SDK1: variants seen among roughly 807,000 people sequenced by gnomAD.
SDK1 encodes protein sidekick-1.
Under a neutral mutation model 245.5 loss-of-function variants are expected in SDK1, and 157 were observed. That is an observed-to-expected ratio of 0.64 (90% CI 0.56 to 0.73). The LOEUF (loss-of-function observed/expected upper bound fraction) is 0.73. Ranked by LOEUF, SDK1 falls within the 30% of genes least tolerant of loss-of-function variation. The probability of loss-of-function intolerance (pLI) is 0.00; values close to 1 mark genes in which losing one functional copy is unlikely to be tolerated. For synonymous variants in SDK1, 1,647 were observed against 1,278.5 expected (o/e 1.29, Z -6.15); for missense variants, 3,583 against 3,002.3 (o/e 1.19, Z -4.52).
intron 17 of SDK1, among the ~76,000 whole-genome samples, chr7:4,047,930 A>G (rs1789137932): frequency 6.6e-6 from 1 of 152,122 alleles, no homozygotes; most frequent in East Asian, 1.9e-4. Flanking sequence ...CACACATTTT[A>G]CAGGATGGCA....
chr7:3,478,535 A>T (rs1224802113), intron 1 of SDK1, among the ~76,000 whole-genome samples: 1 of 152,058 alleles, frequency 6.6e-6, no homozygotes, highest in African/African-American at 2.4e-5. Context: ...TTAAAGTTGC[A>T]TATTCAGTTA....
intron 1 of SDK1, among the ~76,000 whole-genome samples, chr7:3,430,003 A>G (rs1003107205): frequency 1.3e-5 from 2 of 152,248 alleles, no homozygotes; most frequent in Admixed American, 6.5e-5. Flanking sequence ...TTTAAAATAC[A>G]TGCAGTCACT....
intron 1 of SDK1, among the ~76,000 whole-genome samples, chr7:3,596,641 G>C (rs28592009): frequency 5.9e-5 from 9 of 151,976 alleles, no homozygotes; most frequent in Non-Finnish European, 1.2e-4. Flanking sequence ...TCGTTTTTCT[G>C]ATTTCTTTTC....
At chr7:4,148,198 G>C (rs1454989861) in intron 29 of SDK1, among the ~76,000 whole-genome samples, 1 of 152,226 alleles carries the variant, frequency 6.6e-6, no homozygotes, top group African/African-American at 2.4e-5. Flanking sequence ...TGCTTACGGA[G>C]GCAAGTGCTG....
intron 5 of SDK1, among the ~76,000 whole-genome samples, chr7:3,831,878 C>T (rs1283406096): frequency 6.6e-6 from 1 of 151,956 alleles, no homozygotes; most frequent in Non-Finnish European, 1.5e-5. Flanking sequence ...GAGACTCTGT[C>T]TTTAACAACA....
chr7:4,172,913 A>G (rs1368026165), intron 32 of SDK1, among the ~76,000 whole-genome samples: 1 of 152,204 alleles, frequency 6.6e-6, no homozygotes, highest in Non-Finnish European at 1.5e-5. Flanking sequence ...CCCCTAATCC[A>G]GTATGACCTT....
chr7:4,201,543 CCAAA>C (rs536768035), intron 35 of SDK1, among the ~76,000 whole-genome samples: 23 of 152,134 alleles, frequency 1.5e-4, no homozygotes, highest in Non-Finnish European at 2.6e-4. Context: ...CTTGCTTTAC[CCAAA>C]CAGTCAGTCA....
At chr7:3,757,328 G>A (rs551750535) in intron 4 of SDK1, among the ~76,000 whole-genome samples, 2 of 152,160 alleles carry the variant, frequency 1.3e-5, no homozygotes, top group East Asian at 3.9e-4. Flanking sequence ...TCAACTCCTG[G>A]TCTCAAGCGA....
chr7:3,903,154 T>G (rs532422206), intron 5 of SDK1, among the ~76,000 whole-genome samples: 112 of 151,526 alleles, frequency 7.4e-4, no homozygotes, highest in Non-Finnish European at 1.4e-3. Flanking sequence ...GTTTTGTTTT[T>G]TTTTTTTTGA....
At chr7:3,447,699 C>CTTTTTTT (rs56137514) in intron 1 of SDK1, among the ~76,000 whole-genome samples, 1 of 89,554 alleles carries the variant, frequency 1.1e-5, no homozygotes, top group Non-Finnish European at 2.1e-5. Flanking sequence ...GCTTATATAT[C>CTTTTTTT]TTTTTTTTTT....
At chr7:3,896,735 G>T (rs540091278) in intron 5 of SDK1, among the ~76,000 whole-genome samples, 1 of 152,186 alleles carries the variant, frequency 6.6e-6, no homozygotes. Flanking sequence ...TTTTCAAGCT[G>T]TTTAAGGTGG....
At chr7:3,338,421 G>C in intron 1 of SDK1, 2 of 527,336 alleles carry the variant, frequency 3.8e-6, no homozygotes, top group Admixed American at 4.4e-5. Context: ...GCACTCTTAA[G>C]AGCCAAGATA....
In SDK1 at chr7:4,267,730, A is replaced by C. The variant is rs1407755802; in HGVS notation, c.*2346A>C. 7 of 985,384 alleles carry C rather than the reference A, an allele frequency of 7.1e-6. No homozygotes were observed. Among genetic ancestry groups the C allele is most frequent in the Non-Finnish European group, 7.2e-6 (6 of 829,974 alleles). The allele number at this position is 985,384 out of a possible 1,614,324, so 61.0% of individuals were successfully genotyped here. A position where few individuals can be genotyped will look rare whatever the true frequency, so the allele number is the denominator to read the frequency against. The stretch of plus-strand genomic sequence containing the variant: ...GCTCTCGGGTTTTCGATACAACATC[A>C]TGACACTTCTGTTTCAAGCTCATGT... On this transcript the variant is annotated 3_prime_UTR_variant, in exon 45 of 45. Coordinates refer to ENST00000404826, the MANE Select transcript of SDK1 (RefSeq NM_152744.4).
intron 2 of SDK1, among the ~76,000 whole-genome samples, chr7:3,622,421 C>T (rs546949525): frequency 6.6e-6 from 1 of 152,284 alleles, no homozygotes; most frequent in Non-Finnish European, 1.5e-5. Flanking sequence ...GCAGAGGTTG[C>T]AGTGAGCCAG....
In SDK1 at chr7:4,233,311, A is replaced by G. The variant is rs1348037022; in HGVS notation, c.5884A>G (p.Thr1962Ala). 1.9e-6 allele frequency: 3 copies of G among 1,613,894 alleles called. No individual in the cohort carries two copies. The African/African-American group carries it at 4.0e-5, about 22-fold the overall frequency. Residue 1962 changes from threonine to alanine, a missense_variant, in exon 41 of 45, where the codon ACC becomes GCC. Transcript: ENST00000404826. ...KDIPRSATSYTLSLDKLRQGV... is the reference protein window; with the variant it reads ...KDIPRSATSYALSLDKLRQGV... ...CATCCCGCGGAGCGCCACATCCTAC[A>G]CCCTCAGCCTGGATAAGCTCCGGCA... is the stretch of plus-strand genomic sequence containing the variant.
intron 5 of SDK1, among the ~76,000 whole-genome samples, chr7:3,856,917 CAAGG>C (rs1780561334): frequency 6.6e-6 from 1 of 151,976 alleles, no homozygotes; most frequent in Admixed American, 6.6e-5. Flanking sequence ...ACTTAGAATT[CAAGG>C]TAAACAGTGT....
chr7:3,809,654 C>A (rs1471873867), intron 4 of SDK1, among the ~76,000 whole-genome samples: 1 of 152,190 alleles, frequency 6.6e-6, no homozygotes, highest in African/African-American at 2.4e-5. Context: ...TTCTAGTATT[C>A]CTCTGCTATT....
At chr7:3,582,409 C>CCTCAGGTAGGTCTGT (rs1237631254) in intron 1 of SDK1, among the ~76,000 whole-genome samples, 2 of 139,254 alleles carry the variant, frequency 1.4e-5, no homozygotes, top group Admixed American at 7.2e-5. Flanking sequence ...GGTAGGTCTC[C>CCTCAGGTAGGTCTGT]CTCAGGTAGG....
chr7:3,644,564 A>T (rs2128653394), intron 4 of SDK1, among the ~76,000 whole-genome samples: 1 of 151,516 alleles, frequency 6.6e-6, no homozygotes, highest in South Asian at 2.1e-4. Context: ...TGGAGTTTAA[A>T]AACAGCCTGG....
Sources: allele counts gnomAD v4.1 joint callset (sites outside exome capture counted in the v4.1 genomes callset), GRCh38; gene constraint gnomAD v4.1.1; transcripts MANE v1.5; gene names NCBI Gene and HGNC (gene_info 2026-07-23, HGNC 2026-07-21).